Variants in ANK2 observed in about 807,000 individuals in gnomAD.
ANK2 encodes ankyrin-2.
Under a neutral mutation model 360.5 loss-of-function variants are expected in ANK2, and 83 were observed. The observed-to-expected ratio is 0.23, with a 90% confidence interval of 0.19 to 0.28. ANK2 has a LOEUF of 0.28. ANK2 is among the 10% of genes least tolerant of loss of function. The pLI, the probability that ANK2 is intolerant of heterozygous loss-of-function variation, is 1.00. For missense variants in ANK2, 4,201 were observed against 4,795.7 expected, an observed-to-expected ratio of 0.88 and a Z score of 3.66; for synonymous variants, 1,740 against 1,759.5, an observed-to-expected ratio of 0.99 and a Z score of 0.28.
chr4:113,294,152 A>C (rs75783617), intron 22 of ANK2, among the ~76,000 whole-genome samples: 1,576 of 152,330 alleles, frequency 0.01, 23 homozygotes, highest in African/African-American at 0.035. Flanking sequence ...TCTTCATGAC[A>C]AATCAGTGAT....
intron 1 of ANK2, among the ~76,000 whole-genome samples, chr4:113,159,562 T>C (rs189367392): frequency 1.3e-5 from 2 of 152,148 alleles, no homozygotes; most frequent in Admixed American, 1.3e-4. Flanking sequence ...ACATAAAATC[T>C]TTTTCCTCAC....
intron 2 of ANK2, among the ~76,000 whole-genome samples, chr4:112,908,856 G>T (rs755237072): frequency 5.3e-5 from 8 of 152,188 alleles, no homozygotes; most frequent in African/African-American, 1.9e-4. Flanking sequence ...CTTCTATTCT[G>T]CTGTAGAGCC....
chr4:112,962,740 C>T (rs1215748808), intron 2 of ANK2, among the ~76,000 whole-genome samples: 1 of 152,056 alleles, frequency 6.6e-6, no homozygotes, highest in African/African-American at 2.4e-5. Flanking sequence ...AAGTCAGAAG[C>T]TATAGGGAGA....
rs2092522950 is a variant in ANK2, at chr4:112,926,169, A to C, written c.21+21655A>C. Among the ~76,000 whole-genome samples, 2 of 152,128 alleles carry C rather than the reference A, an allele frequency of 1.3e-5. 1 individual carries two copies. Among genetic ancestry groups the C allele is most frequent in the African/African-American group, 4.8e-5 (2 of 41,418 alleles). The stretch of plus-strand genomic sequence containing the variant: ...AACAAAGCACAGCAAAACAAAACAG[A>C]ACAGAAAGCCTCCTCCAGTCATTTT... On this transcript the variant is annotated intron_variant, in intron 2 of 30. Transcript: ENST00000503271.
chr4:112,728,677 C>T, the ANK2 span, among the ~76,000 whole-genome samples: 3 of 151,504 alleles, frequency 2.0e-5, no homozygotes, highest in African/African-American at 4.9e-5. Context: ...ACCTGAGCCC[C>T]GGGGAGTTGA....
chr4:112,992,320 T>G (rs140304944), intron 2 of ANK2, among the ~76,000 whole-genome samples: 3,267 of 152,160 alleles, frequency 0.021, 50 homozygotes, highest in Middle Eastern at 0.037. Flanking sequence ...ATTTTTGTAT[T>G]TTTAGTAGAG....
chr4:113,352,507 T>A (rs772798204), intron 37 of ANK2, among the ~76,000 whole-genome samples: 1 of 152,204 alleles, frequency 6.6e-6, no homozygotes, highest in Non-Finnish European at 1.5e-5. Flanking sequence ...CATACTGAAT[T>A]TCAGACTTTT....
At chr4:112,832,386 T>C (rs1225127467) in intron 1 of ANK2, among the ~76,000 whole-genome samples, 1 of 152,198 alleles carries the variant, frequency 6.6e-6, no homozygotes, top group Non-Finnish European at 1.5e-5. Flanking sequence ...ACCAAACCTG[T>C]ATATGTACCC....
rs1264412948 is a variant in ANK2, at chr4:113,259,780, C to CT, written c.1386+1379dup. Reference sequence around the variant, plus strand: ...TTTAAAAGTAATCATCATCCCCCCCCTTTTTTTTTTGAGATGACTACCTTT... The same window carrying CT: ...TTTAAAAGTAATCATCATCCCCCCCCTTTTTTTTTTTGAGATGACTACCTTT... On this transcript the variant is annotated intron_variant, in intron 13 of 45. Coordinates refer to ENST00000357077, the MANE Select transcript of ANK2 (RefSeq NM_001148.6). Among the ~76,000 whole-genome samples, 711 of 141,884 alleles carry CT rather than the reference C, an allele frequency of 5.0e-3. 5 individuals carry two copies. Among genetic ancestry groups the CT allele is most frequent in the African/African-American group, 0.017 (640 of 38,530 alleles). 93.1% of individuals were successfully genotyped at this position (141,884 alleles called of 152,430 possible).
chr4:113,351,317 G>A (rs2095402541), intron 37 of ANK2, among the ~76,000 whole-genome samples: 1 of 152,024 alleles, frequency 6.6e-6, no homozygotes, highest in African/African-American at 2.4e-5. Context: ...TAAAGTCCTA[G>A]GACAATGTAA....
intron 27 of ANK2, 118 bp from the exon 28 acceptor site, chr4:113,331,854 C>T (rs761680679): frequency 3.6e-5 from 34 of 937,138 alleles, no homozygotes; most frequent in South Asian, 1.0e-4. Flanking sequence ...CAGAACCAAA[C>T]GCAGTGTGAA....
At chr4:113,343,866 C>T (rs901963781) in intron 34 of ANK2, among the ~76,000 whole-genome samples, 8 of 152,304 alleles carry the variant, frequency 5.3e-5, no homozygotes, top group Admixed American at 4.6e-4. Flanking sequence ...GAGGTCCTAA[C>T]GCTCAATCCT....
Position 113,366,447 on chromosome 4 carries a change from G to A in ANK2, c.11033-1119G>A, listed in dbSNP as rs1332299003. Among the ~76,000 whole-genome samples the A allele has an allele frequency of 4.9e-5, 7 of 141,568 alleles. No individual in the cohort carries two copies. The East Asian group carries it at 1.4e-3, about 29-fold the overall frequency. 92.9% of individuals were successfully genotyped at this position (141,568 alleles called of 152,430 possible). A position where few individuals can be genotyped will look rare whatever the true frequency, so the allele number is the denominator to read the frequency against. On this transcript the variant is annotated intron_variant, in intron 41 of 45. Coordinates refer to ENST00000357077, the MANE Select transcript of ANK2 (RefSeq NM_001148.6). ...CTGGCTGTTTCTCCTTCCTGTGGCAGGTTACTTCTCATGGATGTGAATGAT... is the reference window on the plus strand; with the variant it reads ...CTGGCTGTTTCTCCTTCCTGTGGCAAGTTACTTCTCATGGATGTGAATGAT...
chr4:112,933,525 A>T lies in ANK2; in HGVS notation c.21+29011A>T, dbSNP rs1581421679. Among the ~76,000 whole-genome samples the T allele has an allele frequency of 2.7e-5, 4 of 147,142 alleles. No homozygotes were observed. The Admixed American group carries it at 2.8e-4, about 10-fold the overall frequency. ...ATTCTTTTTTTTTTTTTTGAGGCGGAGTGTTGCTCTTGTTGCCCAGGCTGG... is the reference window on the plus strand; with the variant it reads ...ATTCTTTTTTTTTTTTTTGAGGCGGTGTGTTGCTCTTGTTGCCCAGGCTGG... On this transcript the variant is annotated intron_variant, in intron 2 of 30. Transcript: ENST00000503271.
At chr4:112,967,728 C>T (rs17617571) in intron 2 of ANK2, among the ~76,000 whole-genome samples, 6,523 of 152,144 alleles carry the variant, frequency 0.043, 195 homozygotes, top group Middle Eastern at 0.082. Context: ...TAGCTGGATC[C>T]TTCATTTTTA....
At chr4:113,227,063 G>A (rs910773148) in intron 4 of ANK2, among the ~76,000 whole-genome samples, 3 of 152,168 alleles carry the variant, frequency 2.0e-5, no homozygotes, top group Non-Finnish European at 4.4e-5. Context: ...AATATGTGAT[G>A]ATAAATGCTT....
chr4:112,770,671 A>G, the ANK2 span, among the ~76,000 whole-genome samples: 12 of 150,416 alleles, frequency 8.0e-5, no homozygotes, highest in Non-Finnish European at 1.6e-4. Flanking sequence ...GTGCTATTGT[A>G]CTCCAGCCTG....
chr4:112,715,507 C>T, the ANK2 span, among the ~76,000 whole-genome samples: 16 of 152,220 alleles, frequency 1.1e-4, no homozygotes, highest in East Asian at 7.7e-4. Context: ...GGACTTAGCA[C>T]GTTATTTTTG....
At chr4:113,025,532 T>C (rs749369549) in intron 2 of ANK2, among the ~76,000 whole-genome samples, 2 of 152,224 alleles carry the variant, frequency 1.3e-5, no homozygotes, top group Non-Finnish European at 2.9e-5. Context: ...ATGTTCCTTC[T>C]ATTCAAAACC....
Sources: allele counts gnomAD v4.1 joint callset (sites outside exome capture counted in the v4.1 genomes callset), GRCh38; gene constraint gnomAD v4.1.1; transcripts MANE v1.5; gene names NCBI Gene and HGNC (gene_info 2026-07-23, HGNC 2026-07-21).